CNTNAP5: variants seen among roughly 807,000 people sequenced by gnomAD.
The protein encoded by CNTNAP5 is contactin associated protein family member 5, also known as contactin-associated protein-like 5.
In CNTNAP5, 72 loss-of-function variants were observed where a neutral mutation model predicts 150.2. That is an observed-to-expected ratio of 0.48 (90% CI 0.40 to 0.58). The LOEUF (loss-of-function observed/expected upper bound fraction) is 0.58. Ranked by LOEUF, CNTNAP5 falls within the 20% of genes least tolerant of loss-of-function variation. The pLI is 0.00. For missense variants in CNTNAP5, 1,636 were observed against 1,626.2 expected (o/e 1.01, Z -0.10); for synonymous variants, 672 against 619.8 (o/e 1.08, Z -1.25).
intron 13 of CNTNAP5, among the ~76,000 whole-genome samples, chr2:124,671,730 C>T (rs546708981): frequency 1.3e-5 from 2 of 152,236 alleles, no homozygotes; most frequent in South Asian, 4.2e-4. Flanking sequence ...ACTTCTGCCT[C>T]CCAGGTTCAA....
At chr2:124,815,480 G>A (rs917503345) in intron 19 of CNTNAP5, among the ~76,000 whole-genome samples, 3 of 152,148 alleles carry the variant, frequency 2.0e-5, no homozygotes, top group African/African-American at 7.2e-5. Context: ...AAGTGAAAAG[G>A]AATAGAAATG....
At chr2:124,262,654 T>TG (rs929429637) in intron 3 of CNTNAP5, among the ~76,000 whole-genome samples, 3 of 152,008 alleles carry the variant, frequency 2.0e-5, no homozygotes, top group African/African-American at 7.2e-5. Context: ...GCATTCTGTT[T>TG]TTTTTTTTTT....
At chr2:124,179,103 G>A (rs915386288) in intron 1 of CNTNAP5, among the ~76,000 whole-genome samples, 1 of 151,310 alleles carries the variant, frequency 6.6e-6, no homozygotes, top group Admixed American at 6.6e-5. Flanking sequence ...CGTGACCCTG[G>A]CTTTGCATTC....
At chr2:124,470,229 A>G (rs1693476757) in intron 6 of CNTNAP5, among the ~76,000 whole-genome samples, 2 of 152,100 alleles carry the variant, frequency 1.3e-5, no homozygotes, top group African/African-American at 4.8e-5. Flanking sequence ...CAACCATGTC[A>G]GTATCTGTTG....
chr2:124,829,863 T>C (rs1019058469), intron 19 of CNTNAP5, among the ~76,000 whole-genome samples: 9 of 151,928 alleles, frequency 5.9e-5, no homozygotes, highest in Admixed American at 3.3e-4. Flanking sequence ...ATATGCAGTA[T>C]ACTAAGATAA....
In CNTNAP5 at chr2:124,146,978, G is replaced by A. The variant is rs147517270; in HGVS notation, c.83-74727G>A. 4.7e-4 allele frequency among the ~76,000 whole-genome samples: 71 copies of A among 152,184 alleles called. No homozygotes were observed. In the East Asian group the frequency reaches 0.01, roughly 22 times the overall value. ...TGGATGTTGGCTGGGGTTGGGGGGA[G>A]ACAAAACAGAAAATAAACAATAAAC... On this transcript the variant is annotated intron_variant, in intron 1 of 23. Transcript: ENST00000682447.
At chr2:124,408,889 T>C (rs1338792847) in intron 3 of CNTNAP5, among the ~76,000 whole-genome samples, 1 of 152,180 alleles carries the variant, frequency 6.6e-6, no homozygotes, top group East Asian at 1.9e-4. Context: ...GGATGGAGAA[T>C]GACTTTGACG....
intron 13 of CNTNAP5, among the ~76,000 whole-genome samples, chr2:124,673,242 TAA>T (rs5834080): frequency 6.6e-6 from 1 of 151,728 alleles, no homozygotes; most frequent in Admixed American, 6.6e-5. Flanking sequence ...TACATTCTCT[TAA>T]AAAAAACACA....
At chr2:124,077,887 T>C (rs896577364) in intron 1 of CNTNAP5, among the ~76,000 whole-genome samples, 1 of 152,196 alleles carries the variant, frequency 6.6e-6, no homozygotes, top group Non-Finnish European at 1.5e-5. Flanking sequence ...TTGGGCTCCT[T>C]TGTTGTAAGG....
chr2:124,699,157 C>A (rs1442311143), intron 13 of CNTNAP5, among the ~76,000 whole-genome samples: 1 of 152,158 alleles, frequency 6.6e-6, no homozygotes, highest in Non-Finnish European at 1.5e-5. Flanking sequence ...ATTTAAGCAG[C>A]TGTGCTTTCT....
At chr2:124,663,562 G>T (rs533708981) in intron 13 of CNTNAP5, among the ~76,000 whole-genome samples, 3 of 152,132 alleles carry the variant, frequency 2.0e-5, no homozygotes, top group Non-Finnish European at 4.4e-5. Flanking sequence ...TGGAGTAGTT[G>T]CAGAATCCAT....
At chr2:124,429,903 C>G (rs943580846) in intron 4 of CNTNAP5, among the ~76,000 whole-genome samples, 1 of 152,156 alleles carries the variant, frequency 6.6e-6, no homozygotes, top group African/African-American at 2.4e-5. Flanking sequence ...CAATGGATCA[C>G]AGCTCATTTC....
At chr2:124,656,558 TA>T (rs1678462312) in intron 13 of CNTNAP5, among the ~76,000 whole-genome samples, 1 of 152,204 alleles carries the variant, frequency 6.6e-6, no homozygotes, top group Admixed American at 6.5e-5. Context: ...GGGTGGGTCT[TA>T]CCAACAAGGT....
chr2:124,589,493 T>A (rs1190660434), intron 11 of CNTNAP5, among the ~76,000 whole-genome samples: 1 of 152,184 alleles, frequency 6.6e-6, no homozygotes, highest in Non-Finnish European at 1.5e-5. Flanking sequence ...ATATGTCAGC[T>A]TTTATTTGGG....
At chr2:124,106,406 C>T (rs180771730) in intron 1 of CNTNAP5, among the ~76,000 whole-genome samples, 3 of 152,282 alleles carry the variant, frequency 2.0e-5, no homozygotes, top group African/African-American at 7.2e-5. Context: ...TAAGCCCGAC[C>T]TCCCAACCTC....
chr2:124,692,757 T>G (rs967114542), intron 13 of CNTNAP5, among the ~76,000 whole-genome samples: 1 of 152,160 alleles, frequency 6.6e-6, no homozygotes, highest in African/African-American at 2.4e-5. Flanking sequence ...CCCAATTATA[T>G]GCAGATGATG....
chr2:124,126,157 T>C (rs1040536853), intron 1 of CNTNAP5, among the ~76,000 whole-genome samples: 2 of 152,042 alleles, frequency 1.3e-5, no homozygotes, highest in Non-Finnish European at 2.9e-5. Context: ...ACAAAATTGA[T>C]AGACTGCTAG....
At chr2:124,510,537 CA>C (rs1694564214) in intron 8 of CNTNAP5, among the ~76,000 whole-genome samples, 1 of 99,614 alleles carries the variant, frequency 1.0e-5, no homozygotes, top group African/African-American at 4.0e-5. Flanking sequence ...CTCCATATAT[CA>C]ACACACACAC....
At chr2:124,846,835 T>C (rs921385744) in intron 19 of CNTNAP5, among the ~76,000 whole-genome samples, 1 of 152,172 alleles carries the variant, frequency 6.6e-6, no homozygotes, top group African/African-American at 2.4e-5. Context: ...AGTGGTTGTT[T>C]TTGCTCTTCT....
Sources: allele counts gnomAD v4.1 joint callset (sites outside exome capture counted in the v4.1 genomes callset), GRCh38; gene constraint gnomAD v4.1.1; transcripts MANE v1.5; gene names NCBI Gene and HGNC (gene_info 2026-07-23, HGNC 2026-07-21).